Variants in LRP1B observed in about 807,000 individuals in gnomAD.
LRP1B encodes low-density lipoprotein receptor-related protein 1B.
LRP1B carries 217 observed loss-of-function variants against 556.6 expected under a neutral mutation model. The observed-to-expected ratio is 0.39, with a 90% CI of 0.35 to 0.44. LRP1B has a LOEUF of 0.44. Among genes scored for constraint, LRP1B ranks in the 20% least tolerant of loss-of-function variants. The pLI is 1.00. For missense variants in LRP1B, 5,053 were observed against 5,620.8 expected (o/e 0.90, Z 3.23); for synonymous variants, 2,047 against 1,865.8 (o/e 1.10, Z -2.50).
intron 66 of LRP1B, among the ~76,000 whole-genome samples, chr2:140,403,568 CAAAGAT>C (rs1279302979): frequency 6.6e-6 from 1 of 151,538 alleles, no homozygotes; most frequent in Non-Finnish European, 1.5e-5. Flanking sequence ...TCAAGTCAGA[CAAAGAT>C]AAAGAAAAAA....
chr2:140,714,273 G>A (rs543470941), intron 37 of LRP1B, among the ~76,000 whole-genome samples: 1 of 152,274 alleles, frequency 6.6e-6, no homozygotes, highest in Admixed American at 6.5e-5. Flanking sequence ...CTAGCTCACA[G>A]TGCCTAGCAC....
chr2:141,576,276 C>A (rs1686739673), intron 2 of LRP1B, among the ~76,000 whole-genome samples: 1 of 152,132 alleles, frequency 6.6e-6, no homozygotes, highest in Non-Finnish European at 1.5e-5. Flanking sequence ...ATGTCCTTTG[C>A]AGTGACATAG....
At chr2:141,304,067 G>A (rs1422881228) in intron 3 of LRP1B, among the ~76,000 whole-genome samples, 1 of 151,968 alleles carries the variant, frequency 6.6e-6, no homozygotes, top group African/African-American at 2.4e-5. Context: ...GTATTCTTTT[G>A]AGAAATATTT....
intron 27 of LRP1B, among the ~76,000 whole-genome samples, chr2:140,859,516 C>T (rs559506303): frequency 1.7e-3 from 255 of 151,870 alleles, no homozygotes; most frequent in Admixed American, 2.5e-3. Flanking sequence ...TAAATCATTT[C>T]GATGTTAAAC....
At chr2:140,954,414 A>C (rs921230461) in intron 18 of LRP1B, among the ~76,000 whole-genome samples, 2 of 152,096 alleles carry the variant, frequency 1.3e-5, no homozygotes, top group African/African-American at 2.4e-5. Flanking sequence ...TTGACTCTAT[A>C]ATAAGCTAAT....
chr2:141,485,268 G>A (rs1683082216), intron 2 of LRP1B, among the ~76,000 whole-genome samples: 1 of 152,050 alleles, frequency 6.6e-6, no homozygotes, highest in Non-Finnish European at 1.5e-5. Flanking sequence ...CTGGATCATG[G>A]CTGGATGAAC....
intron 2 of LRP1B, 130 bp downstream of exon 2, chr2:141,810,149 G>A (rs1696304513): frequency 2.2e-6 from 1 of 453,980 alleles, no homozygotes; most frequent in African/African-American, 4.1e-5. Flanking sequence ...AAGAAAGAAA[G>A]AAAGAAAGAA....
chr2:141,804,293 T>C (rs2105694339), intron 2 of LRP1B, among the ~76,000 whole-genome samples: 1 of 152,228 alleles, frequency 6.6e-6, no homozygotes, highest in Non-Finnish European at 1.5e-5. Context: ...GATTATAAAC[T>C]CAACTTCTTT....
intron 1 of LRP1B, among the ~76,000 whole-genome samples, chr2:142,054,801 A>G (rs1206708276): frequency 6.6e-6 from 1 of 152,112 alleles, no homozygotes; most frequent in African/African-American, 2.4e-5. Context: ...CTCTAATTCA[A>G]ATTTCAGATA....
At chr2:141,187,433 G>T (rs78697451) in intron 7 of LRP1B, among the ~76,000 whole-genome samples, 3,256 of 152,108 alleles carry the variant, frequency 0.021, 44 homozygotes, top group South Asian at 0.065. Context: ...TTTAGGATAT[G>T]TTCCATCAGA....
chr2:140,522,108 A>G (rs553729697), intron 49 of LRP1B, among the ~76,000 whole-genome samples: 7 of 151,904 alleles, frequency 4.6e-5, no homozygotes, highest in African/African-American at 1.7e-4. Context: ...TCCACAAAAC[A>G]CTCCAGACTA....
chr2:140,853,634 AT>A (rs1362307397), intron 27 of LRP1B, among the ~76,000 whole-genome samples: 1 of 152,168 alleles, frequency 6.6e-6, no homozygotes, highest in Non-Finnish European at 1.5e-5. Flanking sequence ...AATTTTTAAC[AT>A]TCCTTACATC....
chr2:140,693,670 T>G (rs1377923318), intron 41 of LRP1B, among the ~76,000 whole-genome samples: 1 of 152,092 alleles, frequency 6.6e-6, no homozygotes, highest in South Asian at 2.1e-4. Context: ...TATTACTAGC[T>G]TAAGAATAGC....
At chr2:142,049,404 G>C (rs1559042830) in intron 1 of LRP1B, among the ~76,000 whole-genome samples, 1 of 152,034 alleles carries the variant, frequency 6.6e-6, no homozygotes, top group Non-Finnish European at 1.5e-5. Flanking sequence ...AAGGTATGAA[G>C]AAAGCTTGAT....
intron 5 of LRP1B, among the ~76,000 whole-genome samples, chr2:141,245,835 T>C (rs1474410353): frequency 1.3e-5 from 2 of 152,190 alleles, no homozygotes; most frequent in Non-Finnish European, 1.5e-5. Context: ...GCACTCATTT[T>C]AGTAATTTTA....
chr2:141,789,683 C>A (rs1695546747), intron 2 of LRP1B, among the ~76,000 whole-genome samples: 1 of 151,834 alleles, frequency 6.6e-6, no homozygotes, highest in African/African-American at 2.4e-5. Flanking sequence ...TTTATACTTT[C>A]CAGTTTCATT....
chr2:141,474,538 T>C (rs953431931), intron 3 of LRP1B, among the ~76,000 whole-genome samples: 1 of 152,120 alleles, frequency 6.6e-6, no homozygotes, highest in Non-Finnish European at 1.5e-5. Flanking sequence ...TTATTGACAA[T>C]AGATTATGAG....
At chr2:140,822,540 G>A (rs1691363131) in intron 31 of LRP1B, among the ~76,000 whole-genome samples, 1 of 152,188 alleles carries the variant, frequency 6.6e-6, no homozygotes, top group Admixed American at 6.5e-5. Flanking sequence ...CAGTGGCATT[G>A]CCATTTCAAA....
intron 1 of LRP1B, among the ~76,000 whole-genome samples, chr2:142,112,424 A>C (rs966184029): frequency 6.6e-5 from 10 of 152,082 alleles, no homozygotes; most frequent in African/African-American, 1.9e-4. Context: ...AGTAGTTAAA[A>C]GGAAAAAAAT....
Sources: gnomAD v4.1 joint callset for allele counts (sites outside exome capture counted in the v4.1 genomes callset) on GRCh38, gnomAD v4.1.1 for gene constraint, MANE v1.5 for transcripts, NCBI Gene and HGNC (gene_info 2026-07-23, HGNC 2026-07-21) for gene names.